The following AP4S1 variants were observed in gnomAD, a reference collection of about 807,000 sequenced individuals.
The protein encoded by AP4S1 is adaptor related protein complex 4 subunit sigma 1, also known as AP-4 complex subunit sigma-1.
Under a neutral mutation model 19.8 loss-of-function variants are expected in AP4S1, and 23 were observed. The observed-to-expected ratio is 1.16, with a 90% CI of 0.84 to 1.65. The LOEUF (loss-of-function observed/expected upper bound fraction) is 1.65, where lower values mean the gene tolerates loss of function less well. AP4S1 is among the 40% of genes most tolerant of loss of function. The pLI, the probability that AP4S1 is intolerant of heterozygous loss-of-function variation, is 0.00. For missense variants in AP4S1, 166 were observed against 172.8 expected (o/e 0.96, Z 0.22); for synonymous variants, 46 against 54.1 (o/e 0.85, Z 0.66).
At chr14:31,071,566 A>T in intron 3 of AP4S1, among the ~76,000 whole-genome samples, 1 of 152,012 alleles carries the variant, frequency 6.6e-6, no homozygotes, top group East Asian at 1.9e-4. Flanking sequence ...GACTACAGGC[A>T]CCCACCATCA....
chr14:31,063,526 T>A (rs1432860745), intron 1 of AP4S1, among the ~76,000 whole-genome samples: 3 of 152,142 alleles, frequency 2.0e-5, no homozygotes, highest in African/African-American at 4.8e-5. Flanking sequence ...AAACTGAGGC[T>A]AGAGGATCAC....
rs369261300 is a variant in AP4S1, at chr14:31,066,243, T to C, written c.47T>C (p.Leu16Pro). ...GTGAATAAACAAGGGCAGACTCGAC[T>C]TTCTAAGTACTATGAACATGTGGAT... ...LMVNKQGQTR[L>P]SKYYEHVDIN... The change falls in exon 2 of 6, where the codon CTT (leucine) becomes CCT (proline). Residue 16 changes from leucine to proline, a missense_variant. Transcript: ENST00000542754. The C allele has an allele frequency of 1.2e-6, 2 of 1,614,038 alleles. No individual in the cohort carries two copies. Among genetic ancestry groups the C allele is most frequent in the Non-Finnish European group, 1.7e-6 (2 of 1,179,960 alleles).
At chr14:31,084,982 A>C in intron 5 of AP4S1, 1 of 1,570,032 alleles carries the variant, frequency 6.4e-7, no homozygotes, top group South Asian at 1.2e-5. Flanking sequence ...GGTACAGAAA[A>C]CCTCCACGGC....
intron 4 of AP4S1, 35 bp downstream of exon 4, chr14:31,073,008 C>T (rs770460492): frequency 6.5e-7 from 1 of 1,540,248 alleles, no homozygotes; most frequent in Non-Finnish European, 9.0e-7. Flanking sequence ...TTTACTTCCT[C>T]AACCCAGTTT....
At chr14:31,051,957 G>A (rs1023955644) in intron 1 of AP4S1, among the ~76,000 whole-genome samples, 6 of 151,998 alleles carry the variant, frequency 3.9e-5, no homozygotes, top group Admixed American at 6.6e-5. Context: ...CACGATGCCC[G>A]GTCCATATTC....
At chr14:31,073,420 G>A (rs1228116107) in intron 4 of AP4S1, among the ~76,000 whole-genome samples, 2 of 137,652 alleles carry the variant, frequency 1.5e-5, no homozygotes, top group African/African-American at 5.1e-5. Flanking sequence ...AACCCGGGAG[G>A]CGGAGCTTGC....
intron 1 of AP4S1, among the ~76,000 whole-genome samples, chr14:31,039,711 C>G (rs1884998258): frequency 6.6e-6 from 1 of 151,860 alleles, no homozygotes. Flanking sequence ...CTGCCTCAGC[C>G]TCCCGTGTAG....
At position 31,066,163 on chromosome 14, in the gene AP4S1, C is replaced by A; in HGVS notation, c.-34C>A. The A allele has an allele frequency of 6.2e-7, 1 of 1,611,056 alleles. No individual in the cohort carries two copies. Among genetic ancestry groups the A allele is most frequent in the Non-Finnish European group, 8.5e-7 (1 of 1,178,298 alleles). On this transcript the variant is annotated 5_prime_UTR_variant, in exon 2 of 6. It adds an upstream start codon to the 5' untranslated region. Transcript: ENST00000542754. ...GCCATCCCTTGTCATAACTTTTGAA[C>A]TGTATTTGGAAAAATACTGGCCAGG...
At chr14:31,063,597 G>A (rs2139558180) in intron 1 of AP4S1, among the ~76,000 whole-genome samples, 1 of 152,214 alleles carries the variant, frequency 6.6e-6, no homozygotes, top group East Asian at 1.9e-4. Flanking sequence ...TCCAGCCTGG[G>A]CCAGTATCCT....
intron 5 of AP4S1, among the ~76,000 whole-genome samples, chr14:31,082,192 G>C (rs1345106900): frequency 1.3e-5 from 2 of 152,102 alleles, no homozygotes; most frequent in African/African-American, 4.8e-5. Flanking sequence ...CCCTCTAGTG[G>C]TGAGTGACCC....
chr14:31,085,013 T>C, intron 5 of AP4S1: 2 of 1,513,008 alleles, frequency 1.3e-6, no homozygotes, highest in South Asian at 1.3e-5. Context: ...TTTGGTGCCT[T>C]TAAAGAGGCC....
intron 1 of AP4S1, among the ~76,000 whole-genome samples, chr14:31,043,282 A>G (rs1361050616): frequency 1.3e-5 from 2 of 152,172 alleles, no homozygotes; most frequent in African/African-American, 4.8e-5. Context: ...AATTAATCAA[A>G]TATGGCTGAA....
intron 1 of AP4S1, among the ~76,000 whole-genome samples, chr14:31,037,311 T>C (rs973385260): frequency 2.6e-5 from 4 of 151,800 alleles, no homozygotes; most frequent in South Asian, 2.1e-4. Flanking sequence ...TTTTTTCACA[T>C]AGTTTTTGGT....
intron 3 of AP4S1, 74 bp downstream of exon 3, chr14:31,070,003 T>A: frequency 7.7e-7 from 1 of 1,305,844 alleles, no homozygotes; most frequent in South Asian, 1.2e-5. Context: ...TATGACTCTC[T>A]TGATTTTTTT....
In AP4S1 at chr14:31,082,341, A is replaced by G. The variant is rs989773563; in HGVS notation, c.306+1757A>G. 1.1e-4 allele frequency among the ~76,000 whole-genome samples: 16 copies of G among 152,334 alleles called. No homozygotes were observed. The South Asian group carries it at 1.9e-3, about 18-fold the overall frequency. On this transcript the variant is annotated intron_variant, in intron 5 of 5. Transcript: ENST00000542754. ...TCACTCAGCATGGTCTGTATATTACAGTATATTTTTATTCAACATGTAATA... is the reference window on the plus strand; with the variant it reads ...TCACTCAGCATGGTCTGTATATTACGGTATATTTTTATTCAACATGTAATA...
chr14:31,064,034 A>C (rs1403376760), intron 1 of AP4S1, among the ~76,000 whole-genome samples: 1 of 152,238 alleles, frequency 6.6e-6, no homozygotes, highest in Non-Finnish European at 1.5e-5. Flanking sequence ...CCATTGATGA[A>C]TATTATGCTC....
At chr14:31,076,121 A>G (rs115789719) in intron 4 of AP4S1, among the ~76,000 whole-genome samples, 285 of 152,330 alleles carry the variant, frequency 1.9e-3, no homozygotes, top group East Asian at 0.017. Context: ...TAATGCTCAT[A>G]TGAACATTCA....
intron 1 of AP4S1, among the ~76,000 whole-genome samples, chr14:31,034,833 G>A (rs1039852190): frequency 7.5e-5 from 11 of 146,224 alleles, no homozygotes; most frequent in African/African-American, 2.5e-4. Context: ...CACCATATTG[G>A]CCAGGCTGGT....
chr14:31,030,454 C>T (rs1416374786), intron 1 of AP4S1, among the ~76,000 whole-genome samples: 4 of 152,150 alleles, frequency 2.6e-5, no homozygotes, highest in Non-Finnish European at 4.4e-5. Flanking sequence ...TCTATCCTCC[C>T]AGCTCAACCT....
Sources: allele counts gnomAD v4.1 joint callset (sites outside exome capture counted in the v4.1 genomes callset), GRCh38; gene constraint gnomAD v4.1.1; transcripts MANE v1.5; gene names NCBI Gene and HGNC (gene_info 2026-07-23, HGNC 2026-07-21).